The following DROSHA variants were observed in gnomAD, a reference collection of about 807,000 sequenced individuals.
DROSHA encodes ribonuclease 3.
A neutral mutation model predicts 181.9 loss-of-function variants in DROSHA; 56 were observed. The ratio of observed to expected loss-of-function variants is 0.31; its 90% CI spans 0.25 to 0.38. The LOEUF (loss-of-function observed/expected upper bound fraction) is 0.38, where lower values mean the gene tolerates loss of function less well. Among genes scored for constraint, DROSHA ranks in the 10% least tolerant of loss-of-function variants. The pLI is 1.00. For missense variants in DROSHA, 1,218 were observed against 1,743.5 expected, an observed-to-expected ratio of 0.70 and a Z score of 5.37; for synonymous variants, 524 against 591.2, an observed-to-expected ratio of 0.89 and a Z score of 1.65.
chr5:31,491,384 A>G (rs1752386946), intron 13 of DROSHA, among the ~76,000 whole-genome samples: 1 of 152,196 alleles, frequency 6.6e-6, no homozygotes, highest in South Asian at 2.1e-4. Context: ...AGAAAGCCAA[A>G]GCTTATAAAG....
At chr5:31,449,142 A>C in intron 22 of DROSHA, 139 bp downstream of exon 22, 1 of 1,247,314 alleles carries the variant, frequency 8.0e-7, no homozygotes, top group Non-Finnish European at 1.1e-6. Flanking sequence ...CTCAAAAAAA[A>C]AAAAAAAGAG....
chr5:31,472,010 G>C (rs3763075), intron 17 of DROSHA, 53 bp downstream of exon 17: 927,062 of 1,485,968 alleles, frequency 0.62, 294,944 homozygotes, highest in Non-Finnish European at 0.65. Context: ...GAAACATTCA[G>C]ATCTGGAAAA....
At chr5:31,413,680 G>A (rs1741608580) in intron 30 of DROSHA, among the ~76,000 whole-genome samples, 1 of 152,240 alleles carries the variant, frequency 6.6e-6, no homozygotes, top group Non-Finnish European at 1.5e-5. Flanking sequence ...CAGACCGGCT[G>A]TTGCAATGCA....
chr5:31,480,819 T>A (rs1750952460), intron 16 of DROSHA, among the ~76,000 whole-genome samples: 2 of 152,104 alleles, frequency 1.3e-5, no homozygotes, highest in South Asian at 4.1e-4. Flanking sequence ...TTCAGCCTCA[T>A]GGAACTCACC....
chr5:31,427,648 A>C (rs112618131), intron 27 of DROSHA, among the ~76,000 whole-genome samples: 58 of 152,222 alleles, frequency 3.8e-4, no homozygotes, highest in African/African-American at 1.4e-3. Flanking sequence ...ACAGCCAAGA[A>C]CCTCCTAAGA....
chr5:31,455,080 G>C (rs1336267340), intron 20 of DROSHA, among the ~76,000 whole-genome samples: 1 of 151,776 alleles, frequency 6.6e-6, no homozygotes, highest in Admixed American at 6.6e-5. Flanking sequence ...TTAGAGGAAA[G>C]GAAGATTTGA....
intron 12 of DROSHA, among the ~76,000 whole-genome samples, chr5:31,493,985 T>TGTGTGTGTG (rs1752689375): frequency 3.6e-5 from 3 of 83,614 alleles, no homozygotes; most frequent in African/African-American, 1.2e-4. Flanking sequence ...GTGTGTGTGT[T>TGTGTGTGTG]TGAGATGAAG....
intron 26 of DROSHA, among the ~76,000 whole-genome samples, chr5:31,430,646 G>A (rs1015342255): frequency 2.5e-4 from 38 of 152,176 alleles, no homozygotes; most frequent in African/African-American, 8.9e-4. Context: ...TGGAGGCAAT[G>A]GTAACACCAA....
intron 18 of DROSHA, 187 bp from the exon 19 acceptor site, chr5:31,466,468 C>CAACT (rs1749023493): frequency 3.8e-6 from 2 of 529,530 alleles, no homozygotes; most frequent in Non-Finnish European, 6.8e-6. Context: ...GGACAAGAGT[C>CAACT]AACTGGAACC....
At position 31,409,303 on chromosome 5, in the gene DROSHA, C is replaced by T. The variant is rs745328317; in HGVS notation, c.3697G>A (p.Asp1233Asn). 3.8e-6 allele frequency: 6 copies of T among 1,587,332 alleles called. No homozygotes were observed. Among genetic ancestry groups the T allele is most frequent in the Non-Finnish European group, 5.1e-6 (6 of 1,165,744 alleles). ...SFIAALYIDK[D>N]LEYVHTFMNV... ...ATGAAAGTATGAACATATTCCAAAT[C>T]CTTATCAATGTACAGCGCTGCAATA... Residue 1233 changes from aspartate (D) to asparagine (N), a missense_variant, in exon 32 of 36, where the codon GAT becomes AAT. Physicochemically the swap from Asp to Asn is conservative, Grantham distance 23. Coordinates refer to ENST00000344624, the MANE Select transcript of DROSHA (RefSeq NM_001382508.1). The surrounding 1 kb of genome is among the most constrained non-coding windows in gnomAD (Gnocchi z 4.0).
intron 2 of DROSHA, among the ~76,000 whole-genome samples, 164 bp downstream of exon 2, chr5:31,531,286 G>C (rs1289224427): frequency 2.0e-5 from 3 of 152,212 alleles, no homozygotes; most frequent in Non-Finnish European, 4.4e-5. Flanking sequence ...GAACACTCTT[G>C]TACAGTGTGT....
chr5:31,457,462 G>A (rs1415101607), intron 20 of DROSHA, among the ~76,000 whole-genome samples: 5 of 152,022 alleles, frequency 3.3e-5, no homozygotes, highest in Admixed American at 6.5e-5. Flanking sequence ...TTACCTGTCC[G>A]GGGTGGGTGG....
At position 31,489,837 on chromosome 5, in the gene DROSHA, C is replaced by T. The variant is rs116092927; in HGVS notation, c.1843-3275G>A. Among the ~76,000 whole-genome samples, 1,000 of 152,232 alleles carry T rather than the reference C, an allele frequency of 6.6e-3. 13 individuals are homozygous for T. Among genetic ancestry groups the T allele is most frequent in the Non-Finnish European group, 0.011 (770 of 68,026 alleles). On this transcript the variant is annotated intron_variant, in intron 13 of 35. Coordinates refer to ENST00000344624, the MANE Select transcript of DROSHA (RefSeq NM_001382508.1). The stretch of plus-strand genomic sequence containing the variant: ...GGGTTCTCCTGTGCTTTTGAGAATA[C>T]GACAAAATACGGTGTAACTCATACA...
intron 30 of DROSHA, among the ~76,000 whole-genome samples, chr5:31,420,342 C>T (rs1164581992): frequency 6.6e-6 from 1 of 152,164 alleles, no homozygotes; most frequent in African/African-American, 2.4e-5. Flanking sequence ...AATGTCCAGT[C>T]CTCAAGGGAC....
chr5:31,469,129 C>T (rs935554635), intron 17 of DROSHA, among the ~76,000 whole-genome samples: 3 of 152,118 alleles, frequency 2.0e-5, no homozygotes, highest in African/African-American at 4.8e-5. Flanking sequence ...GAGGCCAAGG[C>T]GGGTGGATCA....
At chr5:31,439,976 C>T (rs1279639057) in intron 23 of DROSHA, among the ~76,000 whole-genome samples, 1 of 152,160 alleles carries the variant, frequency 6.6e-6, no homozygotes, top group Non-Finnish European at 1.5e-5. Context: ...ACCCACATCT[C>T]CCCAAATAAT....
chr5:31,442,994 A>G (rs1745785736), intron 23 of DROSHA, among the ~76,000 whole-genome samples: 1 of 151,988 alleles, frequency 6.6e-6, no homozygotes, highest in South Asian at 2.1e-4. Context: ...TTCCTTAAAT[A>G]TAGAGACATT....
chr5:31,463,962 C>G (rs1748727976), intron 20 of DROSHA: 1 of 390,034 alleles, frequency 2.6e-6, no homozygotes, highest in East Asian at 4.7e-5. Flanking sequence ...GACAGACTTA[C>G]CTTTATCCAA....
chr5:31,402,139 TAACTCAAGTAGAA>T (rs1246729980), intron 35 of DROSHA, among the ~76,000 whole-genome samples: 11 of 152,334 alleles, frequency 7.2e-5, no homozygotes, highest in Middle Eastern at 3.4e-3. Flanking sequence ...TTTGCAAAAG[TAACTCAAGTAGAA>T]AACTTATTGG....
Sources: gnomAD v4.1 joint callset for allele counts (sites outside exome capture counted in the v4.1 genomes callset) on GRCh38, gnomAD v4.1.1 for gene constraint, Gnocchi (gnomAD v3.1) non-coding constraint, MANE v1.5 for transcripts, NCBI Gene and HGNC (gene_info 2026-07-23, HGNC 2026-07-21) for gene names.